The following GLMN variants were observed in gnomAD, a reference collection of about 807,000 sequenced individuals.
GLMN encodes the protein glomulin, FKBP associated protein.
A neutral mutation model predicts 87.8 loss-of-function variants in GLMN; 75 were observed. That is an observed-to-expected ratio of 0.85 (90% CI 0.71 to 1.04). GLMN has a LOEUF of 1.04. Among genes scored for constraint, GLMN ranks in the 50% least tolerant of loss-of-function variants. The pLI, the probability that GLMN is intolerant of heterozygous loss-of-function variation, is 0.00. For missense variants in GLMN, 588 were observed against 658.8 expected (o/e 0.89, Z 1.18); for synonymous variants, 206 against 221.6 (o/e 0.93, Z 0.63).
chr1:92,322,580 A>G, the GLMN span, among the ~76,000 whole-genome samples: 1 of 151,338 alleles, frequency 6.6e-6, no homozygotes, highest in African/African-American at 2.4e-5. Flanking sequence ...AAAAAATAAA[A>G]AATAAAAAGC....
chr1:92,312,289 C>G, the GLMN span, among the ~76,000 whole-genome samples: 2 of 151,916 alleles, frequency 1.3e-5, no homozygotes, highest in East Asian at 3.9e-4. Flanking sequence ...TGGTGGCACA[C>G]AACTGTAGTC....
chr1:92,344,707 G>A, the GLMN span, among the ~76,000 whole-genome samples: 1 of 152,124 alleles, frequency 6.6e-6, no homozygotes, highest in Non-Finnish European at 1.5e-5. Context: ...CACATCAACA[G>A]TGTGTTAAAG....
At chr1:92,255,314 CTT>C in intron 16 of GLMN, among the ~76,000 whole-genome samples, 1 of 152,098 alleles carries the variant, frequency 6.6e-6, no homozygotes, top group Non-Finnish European at 1.5e-5. Context: ...TAGTGGGAGA[CTT>C]TAAGACTCCA....
the GLMN span, among the ~76,000 whole-genome samples, chr1:92,335,032 A>G: frequency 1.3e-5 from 2 of 152,040 alleles, no homozygotes; most frequent in Non-Finnish European, 2.9e-5. Context: ...TTGTGGGGCT[A>G]CTACTCAGGA....
In GLMN at chr1:92,286,477, T is replaced by G; in HGVS notation, c.735+13A>C. ...CATTTAAGATTATAGCAGATTAAAT[T>G]AGCTGTACTTACTATTATTTCTGAT... On this transcript the variant is annotated intron_variant, in intron 7 of 18. Transcript: ENST00000370360. 8.4e-7 allele frequency: 1 copy of G among 1,186,638 alleles called. No individual in the cohort carries two copies. The highest frequency in any genetic ancestry group is 1.3e-6 in the Non-Finnish European group (1 of 790,074). 73.5% of individuals were successfully genotyped at this position (1,186,638 alleles called of 1,614,324 possible). A position where few individuals can be genotyped will look rare whatever the true frequency, so the allele number is the denominator to read the frequency against.
intron 16 of GLMN, among the ~76,000 whole-genome samples, chr1:92,257,276 T>C (rs887732844): frequency 1.3e-5 from 2 of 152,174 alleles, no homozygotes; most frequent in African/African-American, 4.8e-5. Flanking sequence ...AAACATTCCA[T>C]GCTCATCGGT....
At chr1:92,323,719 G>A in the GLMN span, 3 of 1,614,024 alleles carry the variant, frequency 1.9e-6, no homozygotes, top group East Asian at 2.2e-5. Flanking sequence ...AGAACAGACA[G>A]TAGTAGATGT....
the GLMN span, among the ~76,000 whole-genome samples, chr1:92,307,725 A>AT: frequency 1.0e-4 from 4 of 39,222 alleles, no homozygotes; most frequent in Non-Finnish European, 1.6e-4. Flanking sequence ...ATTAAAAAGT[A>AT]ATTTTTTTTT....
At chr1:92,276,192 C>T (rs907823398) in intron 7 of GLMN, among the ~76,000 whole-genome samples, 1 of 152,142 alleles carries the variant, frequency 6.6e-6, no homozygotes, top group African/African-American at 2.4e-5. Flanking sequence ...TGCCACTGCA[C>T]TCCAGCCTAG....
upstream of GLMN, among the ~76,000 whole-genome samples, chr1:92,302,363 AC>A (rs1650910967): frequency 6.6e-6 from 1 of 151,566 alleles, no homozygotes; most frequent in Admixed American, 6.6e-5. Flanking sequence ...AATATATTTT[AC>A]CCTTAGTCAT....
chr1:92,280,642 C>T (rs1453393991), intron 7 of GLMN, among the ~76,000 whole-genome samples: 1 of 152,140 alleles, frequency 6.6e-6, no homozygotes, highest in African/African-American at 2.4e-5. Context: ...AAGTAGGCTT[C>T]GGAAGGTCGG....
the GLMN span, among the ~76,000 whole-genome samples, chr1:92,327,715 C>CT: frequency 0.1 from 14,694 of 145,538 alleles, 2,062 homozygotes; most frequent in African/African-American, 0.32. Context: ...GCCTGAACAG[C>CT]TTTTTTTTTT....
At chr1:92,301,704 G>C, upstream of GLMN, 1 of 450,474 alleles carries the variant, frequency 2.2e-6, no homozygotes, top group Non-Finnish European at 3.9e-6. Context: ...GTCATTAGAT[G>C]CAGATAACAA....
chr1:92,323,812 C>T, the GLMN span: 1 of 1,614,054 alleles, frequency 6.2e-7, no homozygotes, highest in Non-Finnish European at 8.5e-7. Context: ...AGTAAATACT[C>T]AGAGTTCTTC....
At chr1:92,309,257 C>T in the GLMN span, among the ~76,000 whole-genome samples, 2 of 151,942 alleles carry the variant, frequency 1.3e-5, no homozygotes, top group Admixed American at 6.6e-5. Flanking sequence ...TCCTGGCCAA[C>T]ATGGTGAAAC....
At chr1:92,275,709 T>G (rs1647230276) in intron 7 of GLMN, among the ~76,000 whole-genome samples, 2 of 152,248 alleles carry the variant, frequency 1.3e-5, no homozygotes, top group Non-Finnish European at 2.9e-5. Context: ...AATGCCATCT[T>G]ACTTCCTAAA....
At chr1:92,255,648 G>A (rs890170065) in intron 16 of GLMN, among the ~76,000 whole-genome samples, 21 of 152,264 alleles carry the variant, frequency 1.4e-4, no homozygotes, top group African/African-American at 5.1e-4. Context: ...TGAACAACCT[G>A]CTCCTGAATG....
chr1:92,303,439 G>A (rs775401229), upstream of GLMN, among the ~76,000 whole-genome samples: 2 of 152,146 alleles, frequency 1.3e-5, no homozygotes, highest in African/African-American at 2.4e-5. Flanking sequence ...GAAAATATTT[G>A]ATGTTAGCTT....
chr1:92,287,095 G>A (rs746507860), intron 6 of GLMN, among the ~76,000 whole-genome samples: 21 of 152,164 alleles, frequency 1.4e-4, no homozygotes, highest in Non-Finnish European at 1.6e-4. Flanking sequence ...AGAACACCTT[G>A]CTAGACTCAA....
Sources: allele counts gnomAD v4.1 joint callset (sites outside exome capture counted in the v4.1 genomes callset), GRCh38; gene constraint gnomAD v4.1.1; transcripts MANE v1.5; gene names NCBI Gene and HGNC (gene_info 2026-07-23, HGNC 2026-07-21).